Variants in TMEM248 observed in about 807,000 individuals in gnomAD.
The protein encoded by TMEM248 is transmembrane protein 248.
TMEM248 carries 9 observed loss-of-function variants against 30.3 expected under a neutral mutation model. The ratio of observed to expected loss-of-function variants is 0.30; its 90% CI spans 0.18 to 0.52. The LOEUF is 0.52. TMEM248 is among the 20% of genes least tolerant of loss of function. The pLI is 0.97. For synonymous variants in TMEM248, 184 were observed against 154.4 expected (o/e 1.19, Z -1.42); for missense variants, 338 against 403.3 (o/e 0.84, Z 1.39).
At chr7:66,951,300 G>T in intron 5 of TMEM248, 165 bp downstream of exon 5, 1 of 556,700 alleles carries the variant, frequency 1.8e-6, no homozygotes, top group Middle Eastern at 3.3e-4. Context: ...AGTGGTGGAT[G>T]CTTGGAAAAA....
chr7:66,921,955 T>G (rs968509712), intron 1 of TMEM248: 3 of 152,338 alleles, frequency 2.0e-5, no homozygotes, highest in East Asian at 3.9e-4. Context: ...TTTCTTCATG[T>G]TTTTAATAAA....
intron 1 of TMEM248, among the ~76,000 whole-genome samples, chr7:66,924,591 G>T (rs1196804794): frequency 6.6e-6 from 1 of 152,026 alleles, no homozygotes; most frequent in African/African-American, 2.4e-5. Context: ...TTTTAGTAGA[G>T]ACAGGGTTTC....
intron 1 of TMEM248, among the ~76,000 whole-genome samples, chr7:66,939,222 T>C (rs148832133): frequency 6.6e-6 from 1 of 152,300 alleles, no homozygotes; most frequent in East Asian, 1.9e-4. Context: ...TCTGACAATA[T>C]CAGGTTGAAG....
intron 1 of TMEM248, among the ~76,000 whole-genome samples, chr7:66,929,170 A>G (rs1791601533): frequency 6.6e-6 from 1 of 152,134 alleles, no homozygotes; most frequent in African/African-American, 2.4e-5. Context: ...CTGGAGGCCA[A>G]CTGGATTTGA....
intron 1 of TMEM248, among the ~76,000 whole-genome samples, chr7:66,931,966 G>A (rs1479038369): frequency 1.3e-5 from 2 of 151,182 alleles, no homozygotes; most frequent in East Asian, 3.9e-4. Context: ...CACCACACCT[G>A]GCTAATTTTT....
Position 66,955,630 on chromosome 7 carries a change from G to A in TMEM248, c.*108G>A. 8 of 1,327,708 alleles carry A rather than the reference G, an allele frequency of 6.0e-6. No individual in the cohort carries two copies. Among genetic ancestry groups the A allele is most frequent in the South Asian group, 1.3e-5 (1 of 78,180 alleles). The allele number at this position is 1,327,708 out of a possible 1,614,324, so 82.2% of individuals were successfully genotyped here. ...GTGAATACATTATCTTGCGATGTTG[G>A]GTTATTCCAGCCAAAGACATTTCAA... On this transcript the variant is annotated 3_prime_UTR_variant, in exon 7 of 7. Coordinates refer to ENST00000341567, the MANE Select transcript of TMEM248 (RefSeq NM_017994.5).
chr7:66,949,140 T>A, intron 4 of TMEM248, among the ~76,000 whole-genome samples: 1 of 147,330 alleles, frequency 6.8e-6, no homozygotes. Flanking sequence ...CTGTCTCTAT[T>A]TAAAAAAAAA....
In TMEM248 at chr7:66,941,874, C is replaced by T; in HGVS notation, c.9C>T (p.Ser3=). ...TGGAGCTGATCAGAATAATGTTCAG[C>T]ATCAACCCCCTGGAGAACCTGAAGG... is the stretch of plus-strand genomic sequence containing the variant. The part of the protein sequence containing the change: MF[S]INPLENLKVY... The change falls in exon 2 of 7, where the codon AGC becomes AGT. Residue 3 remains serine, a synonymous_variant. Transcript: ENST00000341567. 1 of 1,613,784 alleles carries T rather than the reference C, an allele frequency of 6.2e-7. No homozygotes were observed. The highest frequency in any genetic ancestry group is 1.7e-5 in the Admixed American group (1 of 59,952).
rs1002298769 is a variant in TMEM248 at position 66,957,575 on chromosome 7, A to G, written c.*2053A>G. The stretch of plus-strand genomic sequence containing the variant: ...CTCTAGAAACGTCATTATCATTAGG[A>G]CCATCAGATTTTAGATTAAGCTGCT... On this transcript the variant is annotated 3_prime_UTR_variant, in exon 7 of 7. Transcript: ENST00000341567. 2.6e-5 allele frequency: 4 copies of G among 152,236 alleles called. No individual in the cohort carries two copies. The highest frequency in any genetic ancestry group is 4.4e-5 in the Non-Finnish European group (3 of 68,042). 9.4% of individuals were successfully genotyped at this position (152,236 alleles called of 1,614,324 possible).
At chr7:66,938,634 A>G (rs1337302407) in intron 1 of TMEM248, among the ~76,000 whole-genome samples, 1 of 152,030 alleles carries the variant, frequency 6.6e-6, no homozygotes, top group Non-Finnish European at 1.5e-5. Context: ...CAGCCTCCCA[A>G]CTAGCTGGGA....
At chr7:66,932,195 C>T (rs565608822) in intron 1 of TMEM248, among the ~76,000 whole-genome samples, 5 of 152,068 alleles carry the variant, frequency 3.3e-5, no homozygotes, top group South Asian at 2.1e-4. Flanking sequence ...TGGTGAAAAC[C>T]GCGATTCCTT....
At chr7:66,935,350 C>T (rs375360518) in intron 1 of TMEM248, among the ~76,000 whole-genome samples, 23 of 151,718 alleles carry the variant, frequency 1.5e-4, no homozygotes, top group South Asian at 2.1e-4. Flanking sequence ...ACCTGTCTAA[C>T]GTTTGTATTT....
At chr7:66,951,348 C>T (rs1043706416) in intron 5 of TMEM248, 1 of 419,346 alleles carries the variant, frequency 2.4e-6, no homozygotes, top group Non-Finnish European at 4.1e-6. Flanking sequence ...TGGTTTTTCT[C>T]TTCATTTTCT....
chr7:66,921,273 C>G lies in TMEM248; in HGVS notation c.-207C>G, dbSNP rs923583919. ...GCCCGAACTGAGGCGGCGGCGGGAGCCCGGTTGGCGTCTGGTCTTCGCGTC... is the reference window on the plus strand; with the variant it reads ...GCCCGAACTGAGGCGGCGGCGGGAGGCCGGTTGGCGTCTGGTCTTCGCGTC... On this transcript the variant is annotated 5_prime_UTR_variant, in exon 1 of 7. Transcript: ENST00000341567. 1.2e-3 allele frequency: 186 copies of G among 151,044 alleles called. 1 individual carries two copies. Among genetic ancestry groups the G allele is most frequent in the African/African-American group, 4.4e-3 (180 of 41,298 alleles). The allele number at this position is 151,044 out of a possible 1,614,324, so 9.4% of individuals were successfully genotyped here.
At position 66,957,854 on chromosome 7, in the gene TMEM248, A is replaced by G. The variant is rs1377309637; in HGVS notation, c.*2332A>G. ...TGGACAGATGGCTTGTCCCAAGGCC[A>G]GGACACACACTTTAAAATCCAACAT... On this transcript the variant is annotated 3_prime_UTR_variant, in exon 7 of 7. Coordinates refer to ENST00000341567, the MANE Select transcript of TMEM248 (RefSeq NM_017994.5). The G allele has an allele frequency of 6.6e-6, 1 of 152,264 alleles. No homozygotes were observed. Among genetic ancestry groups the G allele is most frequent in the Non-Finnish European group, 1.5e-5 (1 of 68,056 alleles). The allele number at this position is 152,264 out of a possible 1,614,324, so 9.4% of individuals were successfully genotyped here.
At chr7:66,927,742 A>G (rs2129220597) in intron 1 of TMEM248, among the ~76,000 whole-genome samples, 1 of 151,732 alleles carries the variant, frequency 6.6e-6, no homozygotes, top group South Asian at 2.1e-4. Context: ...CAGGCATGAA[A>G]CACCATGCCC....
At chr7:66,942,652 C>T (rs534516999) in intron 2 of TMEM248, among the ~76,000 whole-genome samples, 23 of 152,120 alleles carry the variant, frequency 1.5e-4, no homozygotes, top group Non-Finnish European at 2.2e-4. Context: ...CCTGCCACCA[C>T]GTCTGGCTAA....
At chr7:66,950,870 T>G in intron 4 of TMEM248, 82 bp from the exon 5 acceptor site, 1 of 1,225,880 alleles carries the variant, frequency 8.2e-7, no homozygotes, top group Non-Finnish European at 1.1e-6. Context: ...TGTTCAGTGT[T>G]TTACCAGCTG....
At chr7:66,954,482 C>T (rs909612424) in intron 6 of TMEM248, among the ~76,000 whole-genome samples, 1 of 150,132 alleles carries the variant, frequency 6.7e-6, no homozygotes, top group African/African-American at 2.5e-5. Flanking sequence ...TAGTTCACTG[C>T]AGCCTTGACC....
Sources: gnomAD v4.1 joint callset for allele counts (sites outside exome capture counted in the v4.1 genomes callset) on GRCh38, gnomAD v4.1.1 for gene constraint, MANE v1.5 for transcripts, NCBI Gene and HGNC (gene_info 2026-07-23, HGNC 2026-07-21) for gene names.